The following SH3BP4 variants were observed in gnomAD, a reference collection of about 807,000 sequenced individuals.
SH3BP4 encodes SH3 domain-binding protein 4.
Under a neutral mutation model 65.5 loss-of-function variants are expected in SH3BP4, and 33 were observed. The observed-to-expected ratio is 0.50, with a 90% CI of 0.38 to 0.67. The LOEUF is 0.67. Ranked by LOEUF, SH3BP4 falls within the 30% of genes least tolerant of loss-of-function variation. The pLI is 0.00. For synonymous variants in SH3BP4, 552 were observed against 545.5 expected, an observed-to-expected ratio of 1.01 and a Z score of -0.17; for missense variants, 1,134 against 1,261.4, an observed-to-expected ratio of 0.90 and a Z score of 1.53.
chr2:235,039,179 G>A (rs377497668), intron 3 of SH3BP4, among the ~76,000 whole-genome samples: 10 of 152,278 alleles, frequency 6.6e-5, no homozygotes, highest in African/African-American at 1.7e-4. Context: ...AGACGGGCCT[G>A]CTGTAATTTC....
chr2:234,981,653 G>T (rs973112826), intron 1 of SH3BP4: 1 of 152,192 alleles, frequency 6.6e-6, no homozygotes, highest in Non-Finnish European at 1.5e-5. Context: ...TTTGCACAAG[G>T]ATTCTTTGGT....
intron 1 of SH3BP4, among the ~76,000 whole-genome samples, chr2:234,993,005 G>C (rs1395188907): frequency 1.3e-5 from 2 of 152,258 alleles, no homozygotes; most frequent in African/African-American, 4.8e-5. Flanking sequence ...CTCTGGGTCT[G>C]GGCAGCACCT....
chr2:235,053,166 C>T (rs1696116716), intron 5 of SH3BP4, among the ~76,000 whole-genome samples: 1 of 152,138 alleles, frequency 6.6e-6, no homozygotes, highest in Non-Finnish European at 1.5e-5. Context: ...GCTCAGAGGT[C>T]CTTTGTGTTC....
Position 235,042,842 on chromosome 2 carries a change from C to G in SH3BP4, c.2073C>G (p.Val691=), listed in dbSNP as rs1695717110. The part of the protein sequence containing the change: ...DGIALLSEER[V]RLRGQLWTKE... ...TCGCCCTGCTCAGCGAGGAGCGGGT[C>G]AGGCTCCGGGGCCAGCTGTGGACCA... is the stretch of plus-strand genomic sequence containing the variant. The change falls in exon 4 of 6, where the codon GTC becomes GTG. Residue 691 remains valine (V), a synonymous_variant. Transcript: ENST00000392011. The surrounding 1 kb of genome is among the most constrained non-coding windows in gnomAD (Gnocchi z 7.3). 6.2e-7 allele frequency: 1 copy of G among 1,613,842 alleles called. No individual in the cohort carries two copies.
chr2:235,045,424 G>T lies in SH3BP4; in HGVS notation c.2478+2177G>T, dbSNP rs1441195635. Among the ~76,000 whole-genome samples the T allele has an allele frequency of 6.6e-6, 1 of 152,114 alleles. No homozygotes were observed. The highest frequency in any genetic ancestry group is 6.5e-5 in the Admixed American group (1 of 15,274). ...TGATCAAACTCTCTCAATTCGATTG[G>T]TGAGCATCTCTGGGAGGGGATTTTT... On this transcript the variant is annotated intron_variant, in intron 4 of 5. Coordinates refer to ENST00000392011, the MANE Select transcript of SH3BP4 (RefSeq NM_014521.3). The surrounding 1 kb of genome is among the most constrained non-coding windows in gnomAD (Gnocchi z 4.3).
chr2:234,987,275 G>A (rs1332304189), intron 1 of SH3BP4, among the ~76,000 whole-genome samples: 1 of 150,908 alleles, frequency 6.6e-6, no homozygotes, highest in African/African-American at 2.4e-5. Flanking sequence ...CACGGGTGTT[G>A]TATGCAATTT....
intron 1 of SH3BP4, among the ~76,000 whole-genome samples, chr2:234,961,547 C>G (rs866689332): frequency 6.6e-6 from 1 of 152,192 alleles, no homozygotes; most frequent in African/African-American, 2.4e-5. Flanking sequence ...GCTGGGATTA[C>G]AGGTGTGAGC....
intron 3 of SH3BP4, among the ~76,000 whole-genome samples, chr2:235,038,624 T>C (rs1296368832): frequency 6.6e-6 from 1 of 151,232 alleles, no homozygotes; most frequent in Non-Finnish European, 1.5e-5. Context: ...AAAAATGAGA[T>C]GGGACAAGAA....
intron 1 of SH3BP4, among the ~76,000 whole-genome samples, chr2:234,988,630 T>G (rs1693656371): frequency 6.6e-6 from 1 of 152,032 alleles, no homozygotes; most frequent in Non-Finnish European, 1.5e-5. Flanking sequence ...GGCCTCCGCC[T>G]CCTCCACCGC....
chr2:235,035,253 A>G lies in SH3BP4; in HGVS notation c.118+133A>G. 1 of 741,796 alleles carries G rather than the reference A, an allele frequency of 1.3e-6. No individual in the cohort carries two copies. Among genetic ancestry groups the G allele is most frequent in the Admixed American group, 2.2e-5 (1 of 44,542 alleles). The allele number at this position is 741,796 out of a possible 1,614,324, so 46.0% of individuals were successfully genotyped here. ...GTTAAAGTTTAGTTCTTTAAACTTC[A>G]TCATGGTAATAGATTTAGCCCTGGA... On this transcript the variant is annotated intron_variant, in intron 3 of 5. Coordinates refer to ENST00000392011, the MANE Select transcript of SH3BP4 (RefSeq NM_014521.3). The surrounding 1 kb of genome is among the most constrained non-coding windows in gnomAD (Gnocchi z 5.0).
At chr2:235,039,954 G>T (rs1328197139) in intron 3 of SH3BP4, among the ~76,000 whole-genome samples, 1 of 152,228 alleles carries the variant, frequency 6.6e-6, no homozygotes, top group Non-Finnish European at 1.5e-5. Flanking sequence ...AAGAGGTTGG[G>T]CCAGGCGCAG....
chr2:235,054,763 A>T lies in SH3BP4; in HGVS notation c.*947A>T, dbSNP rs1327324689. 1.3e-5 allele frequency: 2 copies of T among 152,218 alleles called. No individual in the cohort carries two copies. The highest frequency in any genetic ancestry group is 2.9e-5 in the Non-Finnish European group (2 of 68,046). The allele number at this position is 152,218 out of a possible 1,614,324, so 9.4% of individuals were successfully genotyped here. On this transcript the variant is annotated 3_prime_UTR_variant, in exon 6 of 6. Coordinates refer to ENST00000392011, the MANE Select transcript of SH3BP4 (RefSeq NM_014521.3). ...GACAGGAAGAAAACTTCATGACCGA[A>T]TCAGAGCCTTGGTGGCCACTGACTC... is the stretch of plus-strand genomic sequence containing the variant.
At chr2:234,972,009 G>A (rs113870232) in intron 1 of SH3BP4, among the ~76,000 whole-genome samples, 2,103 of 151,708 alleles carry the variant, frequency 0.014, 48 homozygotes, top group African/African-American at 0.049. Context: ...TAGAGACGGG[G>A]TTTCACCATG....
At chr2:234,980,726 G>T (rs1411582984) in intron 1 of SH3BP4, among the ~76,000 whole-genome samples, 2 of 152,026 alleles carry the variant, frequency 1.3e-5, no homozygotes, top group Non-Finnish European at 2.9e-5. Context: ...AATATTGTCC[G>T]CCTTTTTTTC....
intron 4 of SH3BP4, among the ~76,000 whole-genome samples, chr2:235,050,200 C>T (rs1033424447): frequency 3.3e-5 from 5 of 152,074 alleles, no homozygotes; most frequent in African/African-American, 1.2e-4. Flanking sequence ...ACTACAAGCT[C>T]CGCCTCCCGG....
At chr2:235,002,709 G>C (rs1054236231) in intron 2 of SH3BP4, among the ~76,000 whole-genome samples, 2 of 152,240 alleles carry the variant, frequency 1.3e-5, no homozygotes, top group Non-Finnish European at 2.9e-5. Context: ...CTGCATGACA[G>C]AGCGAGACCC....
chr2:234,969,688 G>C, intron 1 of SH3BP4, among the ~76,000 whole-genome samples: 1 of 152,164 alleles, frequency 6.6e-6, no homozygotes, highest in Middle Eastern at 3.2e-3. Flanking sequence ...GTTTTATCCC[G>C]AGCCTGCTCC....
In SH3BP4 at chr2:235,030,789, G is replaced by A. The variant is rs75093902; in HGVS notation, c.-132-4082G>A. Reference sequence around the variant, plus strand: ...TGTAGATGCAGTGGTGTCTGGAGGAGCAGAGCTTCCCTTTCAGCCCTCGGT... The same window carrying A: ...TGTAGATGCAGTGGTGTCTGGAGGAACAGAGCTTCCCTTTCAGCCCTCGGT... On this transcript the variant is annotated intron_variant, in intron 2 of 5. Transcript: ENST00000392011. The surrounding 1 kb of genome is among the most constrained non-coding windows in gnomAD (Gnocchi z 4.1). 5.3e-3 allele frequency among the ~76,000 whole-genome samples: 814 copies of A among 152,282 alleles called. 6 individuals carry two copies. Among genetic ancestry groups the A allele is most frequent in the African/African-American group, 0.019 (776 of 41,550 alleles).
chr2:234,989,975 AC>A (rs1296323248), intron 1 of SH3BP4, among the ~76,000 whole-genome samples: 1 of 152,210 alleles, frequency 6.6e-6, no homozygotes, highest in Non-Finnish European at 1.5e-5. Context: ...AAAATTTCTC[AC>A]CTAATCTCAC....
Sources: allele counts gnomAD v4.1 joint callset (sites outside exome capture counted in the v4.1 genomes callset), GRCh38; gene constraint gnomAD v4.1.1; non-coding constraint Gnocchi (gnomAD v3.1); transcripts MANE v1.5; gene names NCBI Gene and HGNC (gene_info 2026-07-23, HGNC 2026-07-21).